Variants in DTL observed in about 807,000 individuals in gnomAD.
DTL encodes the protein denticleless protein homolog.
In DTL, 46 loss-of-function variants were observed where a neutral mutation model predicts 87.0. The observed-to-expected ratio is 0.53, with a 90% CI of 0.42 to 0.68. DTL has a LOEUF of 0.68. Ranked by LOEUF, DTL falls within the 30% of genes least tolerant of loss-of-function variation. The probability of loss-of-function intolerance (pLI) is 0.00; values close to 1 mark genes in which losing one functional copy is unlikely to be tolerated. For missense variants in DTL, 737 were observed against 869.4 expected (o/e 0.85, Z 1.91); for synonymous variants, 308 against 311.2 (o/e 0.99, Z 0.11).
Position 212,103,570 on chromosome 1 carries a change from A to G in DTL, c.*630A>G, listed in dbSNP as rs1298259676. 2.0e-5 allele frequency: 3 copies of G among 152,276 alleles called. No individual in the cohort carries two copies. Among genetic ancestry groups the G allele is most frequent in the South Asian group, 2.1e-4 (1 of 4,826 alleles). 9.4% of individuals were successfully genotyped at this position (152,276 alleles called of 1,614,324 possible). A position where few individuals can be genotyped will look rare whatever the true frequency, so the allele number is the denominator to read the frequency against. Reference sequence around the variant, plus strand: ...ATTTTAAATGCAGTGATAAATGTCAACTCTTCGGAGAAACTAGGAGAACAA... The same window carrying G: ...ATTTTAAATGCAGTGATAAATGTCAGCTCTTCGGAGAAACTAGGAGAACAA... On this transcript the variant is annotated 3_prime_UTR_variant, in exon 15 of 15. Coordinates refer to ENST00000366991, the MANE Select transcript of DTL (RefSeq NM_016448.4).
intron 13 of DTL, among the ~76,000 whole-genome samples, chr1:212,087,329 A>C (rs1456353211): frequency 6.6e-6 from 1 of 152,100 alleles, no homozygotes; most frequent in African/African-American, 2.4e-5. Context: ...TGGGTGGATC[A>C]CGAGGTCAGG....
At chr1:212,071,677 T>C (rs1412303762) in intron 10 of DTL, among the ~76,000 whole-genome samples, 2 of 152,234 alleles carry the variant, frequency 1.3e-5, no homozygotes, top group African/African-American at 2.4e-5. Context: ...AAGTAAGATA[T>C]AAAATTTATC....
At position 212,100,293 on chromosome 1, in the gene DTL, A is replaced by G. The variant is rs201736175; in HGVS notation, c.1303A>G (p.Arg435Gly). The G allele has an allele frequency of 6.3e-6, 10 of 1,598,316 alleles. No homozygotes were observed. Among genetic ancestry groups the G allele is most frequent in the African/African-American group, 1.3e-5 (1 of 74,220 alleles). Residue 435 changes from arginine to glycine, a missense_variant, in exon 14 of 15, where the codon AGG (arginine) becomes GGG (glycine). Arg to Gly is a moderately radical substitution (Grantham distance 125). Transcript: ENST00000366991. The stretch of plus-strand genomic sequence containing the variant: ...CCAGAGTACTCCTGCCAAAGCCCCC[A>G]GGGCAAAGTGCAATCCATCCAATTC... ...SSQSTPAKAP[R>G]AKCNPSNSSP...
chr1:212,064,204 T>A (rs975649150), intron 6 of DTL, among the ~76,000 whole-genome samples: 2 of 152,176 alleles, frequency 1.3e-5, no homozygotes, highest in African/African-American at 4.8e-5. Flanking sequence ...AAAATTTTAA[T>A]AAACCTTATT....
At chr1:212,088,749 G>A (rs1236179371) in intron 13 of DTL, among the ~76,000 whole-genome samples, 1 of 152,214 alleles carries the variant, frequency 6.6e-6, no homozygotes, top group East Asian at 1.9e-4. Flanking sequence ...CAAAGTACAT[G>A]ATAAGACTGA....
intron 5 of DTL, among the ~76,000 whole-genome samples, chr1:212,062,422 AG>A (rs10711813): frequency 0.45 from 68,686 of 151,934 alleles, 15,827 homozygotes; most frequent in East Asian, 0.61. Context: ...TACAGTTTAG[AG>A]GTTTGGAGTG....
At chr1:212,056,874 G>C (rs1668193066) in intron 5 of DTL, among the ~76,000 whole-genome samples, 1 of 151,934 alleles carries the variant, frequency 6.6e-6, no homozygotes, top group African/African-American at 2.4e-5. Context: ...TTCAACAATA[G>C]ACTAGATCAA....
intron 12 of DTL, among the ~76,000 whole-genome samples, chr1:212,079,990 G>A (rs1035847468): frequency 2.0e-5 from 3 of 152,132 alleles, no homozygotes; most frequent in Non-Finnish European, 4.4e-5. Flanking sequence ...TAAAAGGCTT[G>A]GGACCAAGAT....
chr1:212,055,676 C>T (rs1668151788), intron 5 of DTL, among the ~76,000 whole-genome samples: 1 of 152,222 alleles, frequency 6.6e-6, no homozygotes, highest in African/African-American at 2.4e-5. Flanking sequence ...AGCAACCCCA[C>T]TCTGCATGTC....
chr1:212,065,613 GGGA>G (rs1014180735), intron 7 of DTL, among the ~76,000 whole-genome samples: 10 of 152,258 alleles, frequency 6.6e-5, no homozygotes, highest in African/African-American at 2.2e-4. Context: ...GGAAAAGTGG[GGGA>G]GGAGTAGTTT....
intron 1 of DTL, among the ~76,000 whole-genome samples, chr1:212,038,674 C>G (rs2102521861): frequency 6.6e-6 from 1 of 152,284 alleles, no homozygotes; most frequent in South Asian, 2.1e-4. Flanking sequence ...AGAAGTCTCC[C>G]AGATGGCCTC....
rs569024556 is a variant in DTL at position 212,050,482 on chromosome 1, C to T, written c.460+3065C>T. 2.0e-5 allele frequency among the ~76,000 whole-genome samples: 3 copies of T among 152,268 alleles called. No individual in the cohort carries two copies. The East Asian group carries it at 5.8e-4, about 29-fold the overall frequency. On this transcript the variant is annotated intron_variant, in intron 5 of 14. Transcript: ENST00000366991. ...ATTGATTATAAATTTATTTCCTCTC[C>T]TACAAACTTACCTATATTTACACCT...
In DTL at chr1:212,068,212, C is replaced by T. The variant is rs1185867783; in HGVS notation, c.714-12C>T. The T allele has an allele frequency of 4.5e-6, 7 of 1,565,916 alleles. No individual in the cohort carries two copies. The highest frequency in any genetic ancestry group is 3.8e-5 in the Admixed American group (2 of 52,176). On this transcript the variant is annotated splice_polypyrimidine_tract_variant and intron_variant, in intron 8 of 14. Transcript: ENST00000366991. ...GAAGGTCTACAAAATATTTATTTGCCTTGGTTTTTAGGATAATCAAAGTAT... is the reference window on the plus strand; with the variant it reads ...GAAGGTCTACAAAATATTTATTTGCTTTGGTTTTTAGGATAATCAAAGTAT...
intron 10 of DTL, among the ~76,000 whole-genome samples, chr1:212,071,743 A>G (rs1177213992): frequency 6.6e-6 from 1 of 152,184 alleles, no homozygotes; most frequent in African/African-American, 2.4e-5. Context: ...GCAGTGGAAA[A>G]AATCCTACCC....
At chr1:212,084,760 C>T (rs757795509) in intron 13 of DTL, among the ~76,000 whole-genome samples, 1 of 152,176 alleles carries the variant, frequency 6.6e-6, no homozygotes, top group Non-Finnish European at 1.5e-5. Flanking sequence ...TGTGTCCCAC[C>T]ACTATCAAAC....
At chr1:212,063,009 TGAAA>T in intron 6 of DTL, 60 bp downstream of exon 6, 1 of 1,320,884 alleles carries the variant, frequency 7.6e-7, no homozygotes, top group South Asian at 1.2e-5. Flanking sequence ...TAATTTTGAG[TGAAA>T]GAGTTAGTGA....
chr1:212,072,034 C>T, intron 10 of DTL, 67 bp from the exon 11 acceptor site: 3 of 1,069,562 alleles, frequency 2.8e-6, no homozygotes, highest in Middle Eastern at 2.0e-4. Flanking sequence ...AATATATATG[C>T]TGTCTATATC....
chr1:212,068,165 T>C lies in DTL; in HGVS notation c.714-59T>C, dbSNP rs551669823. On this transcript the variant is annotated intron_variant, in intron 8 of 14. Coordinates refer to ENST00000366991, the MANE Select transcript of DTL (RefSeq NM_016448.4). ...AAAAGTCATTTCACATTTAGTGTAG[T>C]TGAAGTTGTTTGGGGTTGGAAGAAG... is the stretch of plus-strand genomic sequence containing the variant. 21 of 1,066,556 alleles carry C rather than the reference T, an allele frequency of 2.0e-5. No individual in the cohort carries two copies. The Admixed American group carries it at 2.7e-4, about 14-fold the overall frequency. 66.1% of individuals were successfully genotyped at this position (1,066,556 alleles called of 1,614,324 possible).
chr1:212,068,474 T>A lies in DTL; in HGVS notation c.818-125T>A, dbSNP rs554160311. On this transcript the variant is annotated intron_variant, in intron 9 of 14. Transcript: ENST00000366991. ...CTCAGAAGAATGTTTTTGGTTTGTG[T>A]ATATTTTGGGGACAAAGAATTCTGA... 4.7e-6 allele frequency: 4 copies of A among 854,856 alleles called. No homozygotes were observed. The South Asian group carries it at 7.1e-5, about 15-fold the overall frequency. The allele number at this position is 854,856 out of a possible 1,614,324, so 53.0% of individuals were successfully genotyped here.
Sources: allele counts gnomAD v4.1 joint callset (sites outside exome capture counted in the v4.1 genomes callset), GRCh38; gene constraint gnomAD v4.1.1; transcripts MANE v1.5; gene names NCBI Gene and HGNC (gene_info 2026-07-23, HGNC 2026-07-21).